Variants in STPG2 observed in about 807,000 individuals in gnomAD.
STPG2 encodes sperm-tail PG-rich repeat-containing protein 2.
In STPG2, 56 loss-of-function variants were observed where a neutral mutation model predicts 54.2. The observed-to-expected ratio is 1.03, with a 90% CI of 0.83 to 1.29. The LOEUF (loss-of-function observed/expected upper bound fraction) is 1.29, where lower values mean the gene tolerates loss of function less well. STPG2 is among the 50% of genes most tolerant of loss of function. The pLI is 0.00. For missense variants in STPG2, 596 were observed against 544.9 expected (o/e 1.09, Z -0.93); for synonymous variants, 200 against 181.8 (o/e 1.10, Z -0.81).
chr4:97,786,149 C>T (rs1038235106), intron 9 of STPG2, among the ~76,000 whole-genome samples: 23 of 151,788 alleles, frequency 1.5e-4, no homozygotes, highest in African/African-American at 5.6e-4. Context: ...CCTTGTGTCA[C>T]TTTCTAGCCA....
intron 7 of STPG2, among the ~76,000 whole-genome samples, chr4:97,966,847 C>G (rs898923167): frequency 2.0e-5 from 3 of 152,194 alleles, no homozygotes; most frequent in Non-Finnish European, 4.4e-5. Flanking sequence ...CTTATAAGAG[C>G]TCCTGAAGGA....
intron 8 of STPG2, among the ~76,000 whole-genome samples, chr4:97,863,264 T>C (rs1729629166): frequency 6.6e-6 from 1 of 151,976 alleles, no homozygotes; most frequent in African/African-American, 2.4e-5. Context: ...ATGAAGGGGA[T>C]ATCACCACCG....
intron 1 of STPG2, among the ~76,000 whole-genome samples, chr4:98,136,448 T>G (rs1315105754): frequency 6.6e-6 from 1 of 151,658 alleles, no homozygotes; most frequent in Admixed American, 6.6e-5. Context: ...AAAGACTATT[T>G]TATAATAAAA....
At chr4:97,940,919 T>C (rs1483170040) in intron 8 of STPG2, among the ~76,000 whole-genome samples, 1 of 152,158 alleles carries the variant, frequency 6.6e-6, no homozygotes, top group Non-Finnish European at 1.5e-5. Context: ...TTCATATTCA[T>C]CTTTGTCTTT....
chr4:98,077,351 T>G (rs930073768), intron 5 of STPG2, among the ~76,000 whole-genome samples: 2 of 152,074 alleles, frequency 1.3e-5, no homozygotes, highest in African/African-American at 4.8e-5. Context: ...CAAGCAATTT[T>G]CCTGCCTCAG....
At chr4:97,862,020 A>G (rs1274967665) in intron 8 of STPG2, among the ~76,000 whole-genome samples, 1 of 152,114 alleles carries the variant, frequency 6.6e-6, no homozygotes, top group Non-Finnish European at 1.5e-5. Context: ...TCAACTAACG[A>G]GCAAAATAAC....
At chr4:98,101,879 G>A (rs10013680) in intron 5 of STPG2, among the ~76,000 whole-genome samples, 5 of 144,162 alleles carry the variant, frequency 3.5e-5, no homozygotes, top group East Asian at 2.1e-4. Flanking sequence ...CCTCCCCCCC[G>A]ACCTTAGCCT....
intron 4 of STPG2, among the ~76,000 whole-genome samples, chr4:97,528,038 A>G (rs1731323402): frequency 6.6e-6 from 1 of 152,116 alleles, no homozygotes; most frequent in Non-Finnish European, 1.5e-5. Flanking sequence ...TTTTGTTGCC[A>G]TTGCTTTTGG....
At chr4:97,984,944 C>T (rs929653172) in intron 5 of STPG2, among the ~76,000 whole-genome samples, 2 of 152,128 alleles carry the variant, frequency 1.3e-5, no homozygotes, top group African/African-American at 4.8e-5. Flanking sequence ...CCTCACCATC[C>T]CTTGTAGATA....
chr4:97,849,465 C>A (rs527717449), intron 8 of STPG2, among the ~76,000 whole-genome samples: 1 of 151,888 alleles, frequency 6.6e-6, no homozygotes, highest in African/African-American at 2.4e-5. Flanking sequence ...AAAGAAACTA[C>A]CATCAGAGTG....
At chr4:98,078,872 A>G (rs1738253286) in intron 5 of STPG2, among the ~76,000 whole-genome samples, 1 of 152,172 alleles carries the variant, frequency 6.6e-6, no homozygotes, top group Non-Finnish European at 1.5e-5. Context: ...TTGGAATTTA[A>G]TATCATATGT....
intron 10 of STPG2, among the ~76,000 whole-genome samples, chr4:97,616,969 AT>A (rs1733889413): frequency 6.6e-6 from 1 of 152,112 alleles, no homozygotes. Context: ...ATCCTATCAA[AT>A]TTTCTCAAAT....
chr4:97,768,016 A>AC (rs752613339), intron 9 of STPG2, among the ~76,000 whole-genome samples: 43 of 152,150 alleles, frequency 2.8e-4, no homozygotes, highest in Non-Finnish European at 4.7e-4. Context: ...AAACACAAAA[A>AC]AATTAGCGGG....
chr4:98,124,586 CTT>C (rs1245683838), intron 3 of STPG2, among the ~76,000 whole-genome samples: 2 of 152,144 alleles, frequency 1.3e-5, no homozygotes, highest in Admixed American at 1.3e-4. Context: ...GTGACTTGGC[CTT>C]TCTCTCTGAC....
At chr4:98,126,745 T>G (rs1454118241) in intron 3 of STPG2, among the ~76,000 whole-genome samples, 2 of 152,098 alleles carry the variant, frequency 1.3e-5, no homozygotes, top group Non-Finnish European at 2.9e-5. Context: ...CTGAACTACT[T>G]AGGGGTAAAG....
At chr4:97,849,218 C>T (rs1374567908) in intron 8 of STPG2, among the ~76,000 whole-genome samples, 1 of 150,422 alleles carries the variant, frequency 6.6e-6, no homozygotes, top group Non-Finnish European at 1.5e-5. Context: ...TCCTTCACAT[C>T]CCTTGTAAGT....
At chr4:97,955,114 T>C (rs1419049409) in intron 7 of STPG2, among the ~76,000 whole-genome samples, 1 of 152,082 alleles carries the variant, frequency 6.6e-6, no homozygotes. Flanking sequence ...GATTTAATGG[T>C]AGTTGAAATA....
intron 9 of STPG2, among the ~76,000 whole-genome samples, chr4:97,789,030 G>T (rs192049924): frequency 0.014 from 2,124 of 151,214 alleles, 22 homozygotes; most frequent in Non-Finnish European, 0.02. Flanking sequence ...TAATACAAAT[G>T]TTAAAAACTG....
chr4:97,564,064 G>A (rs750023678), intron 10 of STPG2, among the ~76,000 whole-genome samples: 2 of 152,198 alleles, frequency 1.3e-5, no homozygotes, highest in African/African-American at 2.4e-5. Flanking sequence ...TTGTGTGAGA[G>A]TCTAAGTCTC....
Sources: allele counts gnomAD v4.1 joint callset (sites outside exome capture counted in the v4.1 genomes callset), GRCh38; gene constraint gnomAD v4.1.1; transcripts MANE v1.5; gene names NCBI Gene and HGNC (gene_info 2026-07-23, HGNC 2026-07-21).